TBX18: variants seen among roughly 807,000 people sequenced by gnomAD.
TBX18 encodes T-box transcription factor 18, also known as T-box transcription factor TBX18.
Under a neutral mutation model 55.0 loss-of-function variants are expected in TBX18, and 21 were observed. The ratio of observed to expected loss-of-function variants is 0.38; its 90% confidence interval spans 0.27 to 0.55. The LOEUF is 0.55. TBX18 is among the 20% of genes least tolerant of loss of function. The pLI, the probability that TBX18 is intolerant of heterozygous loss-of-function variation, is 0.73. For synonymous variants in TBX18, 342 were observed against 326.1 expected (o/e 1.05, Z -0.53); for missense variants, 840 against 799.6 (o/e 1.05, Z -0.61).
intron 5 of TBX18, among the ~76,000 whole-genome samples, chr6:84,745,178 C>G (rs1418199084): frequency 6.6e-6 from 1 of 152,042 alleles, no homozygotes; most frequent in African/African-American, 2.4e-5. Context: ...CAACTTTTTG[C>G]TCACTAAGAC....
chr6:84,757,694 T>C (rs2127880051), intron 3 of TBX18, among the ~76,000 whole-genome samples: 1 of 152,108 alleles, frequency 6.6e-6, no homozygotes, highest in Non-Finnish European at 1.5e-5. Flanking sequence ...ATTGACTCAG[T>C]AAGAATAATA....
chr6:84,739,896 G>T (rs989875555), intron 6 of TBX18, among the ~76,000 whole-genome samples: 4 of 152,180 alleles, frequency 2.6e-5, no homozygotes, highest in Non-Finnish European at 5.9e-5. Context: ...AGTGTTCAGG[G>T]TATAGTCTCT....
chr6:84,756,311 CCT>C (rs1767485473), intron 4 of TBX18, among the ~76,000 whole-genome samples: 1 of 152,180 alleles, frequency 6.6e-6, no homozygotes, highest in Admixed American at 6.5e-5. Flanking sequence ...AAGCAATGAA[CCT>C]CAGCTGACAA....
At chr6:84,760,124 G>A (rs1017583052) in intron 3 of TBX18, 131 bp downstream of exon 3, 18 of 488,256 alleles carry the variant, frequency 3.7e-5, no homozygotes, top group Non-Finnish European at 5.6e-5. Flanking sequence ...ACCCATGGGC[G>A]TTAAAGTATG....
chr6:84,757,056 T>A (rs1259458146), intron 3 of TBX18, among the ~76,000 whole-genome samples, 187 bp from the exon 4 acceptor site: 1 of 152,162 alleles, frequency 6.6e-6, no homozygotes, highest in Non-Finnish European at 1.5e-5. Flanking sequence ...CTACTGACAA[T>A]TCAGACTAAG....
At chr6:84,748,160 A>C in intron 4 of TBX18, 73 bp from the exon 5 acceptor site, 1 of 1,157,038 alleles carries the variant, frequency 8.6e-7, no homozygotes, top group Non-Finnish European at 1.2e-6. Context: ...TAAATATTTA[A>C]TGTGTACAAT....
Position 84,738,645 on chromosome 6 carries a change from T to G in TBX18, c.1005-54A>C. 6.7e-6 allele frequency: 9 copies of G among 1,349,138 alleles called. No homozygotes were observed. The South Asian group carries it at 1.1e-4, about 16-fold the overall frequency. 83.6% of individuals were successfully genotyped at this position (1,349,138 alleles called of 1,614,324 possible). Reference sequence around the variant, plus strand: ...GACAAAAGAAGTCTAGTTAGGAGCATTTGGATCTTTCACCAGCAGCAAGCA... The same window carrying G: ...GACAAAAGAAGTCTAGTTAGGAGCAGTTGGATCTTTCACCAGCAGCAAGCA... On this transcript the variant is annotated intron_variant, in intron 6 of 7. Coordinates refer to ENST00000369663, the MANE Select transcript of TBX18 (RefSeq NM_001080508.3).
intron 3 of TBX18, among the ~76,000 whole-genome samples, chr6:84,757,202 C>T (rs1241056815): frequency 6.6e-6 from 1 of 152,116 alleles, no homozygotes; most frequent in African/African-American, 2.4e-5. Flanking sequence ...CTGAATATTC[C>T]ATCGACACGA....
intron 4 of TBX18, among the ~76,000 whole-genome samples, chr6:84,749,249 T>C (rs1307129675): frequency 2.6e-5 from 4 of 152,202 alleles, no homozygotes; most frequent in African/African-American, 4.8e-5. Context: ...TCCTGAGCTA[T>C]AAGATTTGAA....
At chr6:84,760,221 T>C in intron 3 of TBX18, 34 bp downstream of exon 3, 1 of 1,371,484 alleles carries the variant, frequency 7.3e-7, no homozygotes, top group South Asian at 1.6e-5. Flanking sequence ...CCTAGTGTTT[T>C]TTTTTTTAAT....
intron 5 of TBX18, among the ~76,000 whole-genome samples, chr6:84,745,725 ATGT>A (rs1249151965): frequency 2.0e-5 from 3 of 152,170 alleles, no homozygotes; most frequent in East Asian, 1.9e-4. Context: ...TTCATTTAAA[ATGT>A]TGTTTTTTAA....
intron 4 of TBX18, among the ~76,000 whole-genome samples, chr6:84,749,876 T>A (rs1767295543): frequency 6.6e-6 from 1 of 152,158 alleles, no homozygotes; most frequent in Non-Finnish European, 1.5e-5. Context: ...AAGCAACATT[T>A]AATTCTAATG....
In TBX18 at chr6:84,764,376, G is replaced by C; in HGVS notation, c.-195C>G. 3 of 769,534 alleles carry C rather than the reference G, an allele frequency of 3.9e-6. No individual in the cohort carries two copies. Among genetic ancestry groups the C allele is most frequent in the South Asian group, 5.3e-5 (2 of 37,730 alleles). The allele number at this position is 769,534 out of a possible 1,614,324, so 47.7% of individuals were successfully genotyped here. On this transcript the variant is annotated 5_prime_UTR_variant, in exon 1 of 8. Coordinates refer to ENST00000369663, the MANE Select transcript of TBX18 (RefSeq NM_001080508.3). The stretch of plus-strand genomic sequence containing the variant: ...GTGTTGGGATCCAGGAACCGGCGAC[G>C]CGCCGGCCAAGTCTCCTTTCCTGGG...
At chr6:84,740,611 A>T (rs1478012768) in intron 6 of TBX18, among the ~76,000 whole-genome samples, 1 of 152,154 alleles carries the variant, frequency 6.6e-6, no homozygotes, top group African/African-American at 2.4e-5. Flanking sequence ...TTAACACTGG[A>T]CTAATGAACT....
rs1404981108 is a variant in TBX18, at chr6:84,764,235, A to G, written c.-54T>C. 105 of 1,349,848 alleles carry G rather than the reference A, an allele frequency of 7.8e-5. No homozygotes were observed. Among genetic ancestry groups the G allele is most frequent in the Non-Finnish European group, 8.4e-5 (89 of 1,060,100 alleles). The allele number at this position is 1,349,848 out of a possible 1,614,324, so 83.6% of individuals were successfully genotyped here. On this transcript the variant is annotated 5_prime_UTR_variant, in exon 1 of 8. Transcript: ENST00000369663. Reference sequence around the variant, plus strand: ...CTCTCATATACACTCACGCGGGCACACGCGCGCTCTCGCTCTTCCCCCACC... The same window carrying G: ...CTCTCATATACACTCACGCGGGCACGCGCGCGCTCTCGCTCTTCCCCCACC...
intron 4 of TBX18, 95 bp downstream of exon 4, chr6:84,756,603 C>T (rs1767494204): frequency 8.3e-7 from 1 of 1,201,366 alleles, no homozygotes. Flanking sequence ...AGGCAATGAA[C>T]ATTATGATCT....
At chr6:84,750,568 A>G (rs1165320391) in intron 4 of TBX18, among the ~76,000 whole-genome samples, 1 of 152,128 alleles carries the variant, frequency 6.6e-6, no homozygotes, top group Non-Finnish European at 1.5e-5. Flanking sequence ...CAATTTATAG[A>G]TAGAAAACTA....
chr6:84,756,805 C>T lies in TBX18; in HGVS notation c.664G>A (p.Val222Met). The T allele has an allele frequency of 6.2e-7, 1 of 1,614,126 alleles. No individual in the cohort carries two copies. The highest frequency in any genetic ancestry group is 8.5e-7 in the Non-Finnish European group (1 of 1,180,016). The change falls in exon 4 of 8, where the codon GTG becomes ATG. Residue 222 changes from valine to methionine, a missense_variant. Coordinates refer to ENST00000369663, the MANE Select transcript of TBX18 (RefSeq NM_001080508.3). ...GCAGGCGAGTCTGGATGAATGTACA[C>T]ACGGGGTGGCACAGGCGAGTCAGCA... ...GNADSPVPPR[V>M]YIHPDSPASG...
At chr6:84,750,233 C>T (rs955362547) in intron 4 of TBX18, among the ~76,000 whole-genome samples, 15 of 146,922 alleles carry the variant, frequency 1.0e-4, no homozygotes, top group Non-Finnish European at 5.9e-5. Flanking sequence ...TGCAGTGAGC[C>T]GAGATCGTGC....
Sources: gnomAD v4.1 joint callset for allele counts (sites outside exome capture counted in the v4.1 genomes callset) on GRCh38, gnomAD v4.1.1 for gene constraint, MANE v1.5 for transcripts, NCBI Gene and HGNC (gene_info 2026-07-23, HGNC 2026-07-21) for gene names.